The following SHANK2 variants were observed in gnomAD, a reference collection of about 807,000 sequenced individuals.
The protein encoded by SHANK2 is SH3 and multiple ankyrin repeat domains 2.
SHANK2 carries 43 observed loss-of-function variants against 133.7 expected under a neutral mutation model. The ratio of observed to expected loss-of-function variants is 0.32; its 90% confidence interval spans 0.25 to 0.41. The LOEUF (loss-of-function observed/expected upper bound fraction) is 0.41, where lower values mean the gene tolerates loss of function less well. Ranked by LOEUF, SHANK2 falls within the 10% of genes least tolerant of loss-of-function variation. The probability of loss-of-function intolerance (pLI) is 1.00; values close to 1 mark genes in which losing one functional copy is unlikely to be tolerated. For missense variants in SHANK2, 1,994 were observed against 2,235.8 expected (o/e 0.89, Z 2.18); for synonymous variants, 1,017 against 952.8 (o/e 1.07, Z -1.24).
At chr11:71,168,574 GCACTT>G in intron 2 of SHANK2, among the ~76,000 whole-genome samples, 1 of 152,256 alleles carries the variant, frequency 6.6e-6, no homozygotes, top group Non-Finnish European at 1.5e-5. Flanking sequence ...TGCAATCCCG[GCACTT>G]CAGGATGCCG....
intron 17 of SHANK2, among the ~76,000 whole-genome samples, chr11:70,629,661 G>C (rs1302276710): frequency 3.3e-5 from 5 of 152,194 alleles, no homozygotes; most frequent in African/African-American, 1.2e-4. Flanking sequence ...TCCAAGCCGG[G>C]GAGAGGGGGT....
intron 4 of SHANK2, among the ~76,000 whole-genome samples, chr11:71,117,948 C>T (rs1463217373): frequency 2.0e-5 from 3 of 152,128 alleles, no homozygotes; most frequent in African/African-American, 2.4e-5. Flanking sequence ...GGGGACTTGA[C>T]GTTTATGGAG....
At chr11:71,159,500 A>C (rs1211794109) in intron 2 of SHANK2, among the ~76,000 whole-genome samples, 9 of 152,244 alleles carry the variant, frequency 5.9e-5, no homozygotes, top group Admixed American at 4.6e-4. Context: ...CAGAGGTACC[A>C]GAGACTAGAA....
At chr11:70,862,597 TGCTGATGGACTGGACTG>T (rs1239893815) in intron 11 of SHANK2, among the ~76,000 whole-genome samples, 7 of 148,248 alleles carry the variant, frequency 4.7e-5, no homozygotes, top group African/African-American at 1.8e-4. Flanking sequence ...TGGACTGGAC[TGCTGATGGACTGGACTG>T]GCTGATGGAC....
intron 2 of SHANK2, among the ~76,000 whole-genome samples, chr11:71,185,060 G>T (rs370078352): frequency 6.6e-6 from 1 of 152,280 alleles, no homozygotes; most frequent in East Asian, 1.9e-4. Context: ...CCTCTCAGCC[G>T]ATCAACCATC....
chr11:70,949,610 C>T (rs12272425), intron 10 of SHANK2, among the ~76,000 whole-genome samples: 8,781 of 152,290 alleles, frequency 0.058, 847 homozygotes, highest in African/African-American at 0.2. Context: ...CCAAGCCTCA[C>T]GGTTGGAGTG....
At chr11:70,494,798 C>T (rs147152246) in intron 21 of SHANK2, among the ~76,000 whole-genome samples, 499 of 152,252 alleles carry the variant, frequency 3.3e-3, no homozygotes, top group Non-Finnish European at 5.1e-3. Context: ...CCATAGTGTC[C>T]GGGCAGCCAA....
intron 14 of SHANK2, among the ~76,000 whole-genome samples, chr11:70,797,248 G>A (rs1012693271): frequency 2.0e-5 from 3 of 152,202 alleles, no homozygotes; most frequent in Non-Finnish European, 4.4e-5. Context: ...AGCTTTGTTG[G>A]TAACATTGTC....
chr11:71,148,084 GTT>G (rs200702145), intron 2 of SHANK2, among the ~76,000 whole-genome samples: 40,418 of 140,156 alleles, frequency 0.29, 6,301 homozygotes, highest in African/African-American at 0.43. Flanking sequence ...AAGGCTTCTT[GTT>G]TTTTTTTTTT....
At chr11:70,513,419 G>A (rs192348477) in intron 17 of SHANK2, among the ~76,000 whole-genome samples, 115 of 152,300 alleles carry the variant, frequency 7.6e-4, no homozygotes, top group Non-Finnish European at 2.8e-4. Context: ...TGCCACTGCA[G>A]GGCAGACAAA....
intron 2 of SHANK2, among the ~76,000 whole-genome samples, chr11:71,173,597 G>A (rs1453657654): frequency 6.6e-6 from 1 of 152,244 alleles, no homozygotes; most frequent in Non-Finnish European, 1.5e-5. Flanking sequence ...TCTGCCCAAA[G>A]AGTCAACTAT....
intron 4 of SHANK2, among the ~76,000 whole-genome samples, chr11:71,117,594 T>A (rs1952002598): frequency 6.9e-6 from 1 of 144,484 alleles, no homozygotes; most frequent in Non-Finnish European, 1.6e-5. Flanking sequence ...ATCACCATGG[T>A]CAGTGATTTC....
At chr11:71,118,443 C>A (rs1451589920) in intron 4 of SHANK2, among the ~76,000 whole-genome samples, 1 of 152,126 alleles carries the variant, frequency 6.6e-6, no homozygotes, top group Non-Finnish European at 1.5e-5. Context: ...AAAGCAAGCA[C>A]CTTCTTCACA....
At chr11:70,926,754 C>A (rs1049065552) in intron 10 of SHANK2, among the ~76,000 whole-genome samples, 1 of 152,252 alleles carries the variant, frequency 6.6e-6, no homozygotes, top group Non-Finnish European at 1.5e-5. Context: ...ATGACTCAGA[C>A]TCTCCACTGC....
At position 70,485,857 on chromosome 11, in the gene SHANK2, G is replaced by T. The variant is rs376667444; in HGVS notation, c.4436C>A (p.Pro1479His). 6.8e-6 allele frequency: 11 copies of T among 1,613,970 alleles called. No individual in the cohort carries two copies. The highest frequency in any genetic ancestry group is 4.4e-5 in the South Asian group (4 of 91,086). ...GGCGACGGCGTCAAAGCTTTCAGGG[G>T]GTGGCAGGAATGAGGCAGGCAGACA... ...SNCLPASFLP[P>H]PESFDAVADS... Residue 1479 changes from proline (P) to histidine (H), a missense_variant, in exon 25 of 26, where the codon CCC becomes CAC. Pro to His is a moderately conservative substitution (Grantham distance 77). This residue lies in a region of SHANK2 where 797 missense variants were observed against 907.4 expected (regional missense o/e 0.88). Transcript: ENST00000601538. The surrounding 1 kb of genome is among the most constrained non-coding windows in gnomAD (Gnocchi z 5.8).
chr11:70,917,366 A>G (rs1211482364), intron 10 of SHANK2, among the ~76,000 whole-genome samples: 1 of 152,202 alleles, frequency 6.6e-6, no homozygotes, highest in East Asian at 1.9e-4. Flanking sequence ...AAGACAACAG[A>G]TGCTGGTGAG....
At chr11:71,243,359 C>G (rs1591048616) in intron 1 of SHANK2, among the ~76,000 whole-genome samples, 1 of 152,284 alleles carries the variant, frequency 6.6e-6, no homozygotes, top group Middle Eastern at 3.4e-3. Context: ...AATTACCAAA[C>G]TCAGGAATGA....
intron 11 of SHANK2, among the ~76,000 whole-genome samples, chr11:70,861,573 T>A (rs988974717): frequency 2.0e-5 from 3 of 151,952 alleles, no homozygotes; most frequent in Non-Finnish European, 4.4e-5. Flanking sequence ...ATTTTTTTTT[T>A]AAACCATGCA....
At chr11:71,143,443 C>T (rs72957690) in intron 3 of SHANK2, among the ~76,000 whole-genome samples, 33,492 of 152,170 alleles carry the variant, frequency 0.22, 3,953 homozygotes, top group South Asian at 0.3. Context: ...GCCCGATGCG[C>T]GGGTTCCCAC....
Sources: gnomAD v4.1 joint callset for allele counts (sites outside exome capture counted in the v4.1 genomes callset) on GRCh38, gnomAD v4.1.1 for gene constraint, gnomAD v4.1.1 regional missense constraint, Gnocchi (gnomAD v3.1) non-coding constraint, MANE v1.5 for transcripts, NCBI Gene and HGNC (gene_info 2026-07-23, HGNC 2026-07-21) for gene names.